The following SLC25A17 variants were observed in gnomAD, a reference collection of about 807,000 sequenced individuals.
The protein encoded by SLC25A17 is peroxisomal membrane protein PMP34.
In SLC25A17, 26 loss-of-function variants were observed where a neutral mutation model predicts 38.5. The observed-to-expected ratio is 0.68, with a 90% confidence interval of 0.50 to 0.94. The LOEUF (loss-of-function observed/expected upper bound fraction) is 0.94. SLC25A17 is among the 40% of genes least tolerant of loss of function. SLC25A17 has a pLI of 0.00. For synonymous variants in SLC25A17, 139 were observed against 136.2 expected (o/e 1.02, Z -0.14); for missense variants, 333 against 372.7 (o/e 0.89, Z 0.88).
At chr22:40,779,607 A>G in intron 4 of SLC25A17, 1 of 184,580 alleles carries the variant, frequency 5.4e-6, no homozygotes, top group Non-Finnish European at 1.1e-5. Flanking sequence ...CAGGAGGGGG[A>G]AAGGTGGTGA....
chr22:40,793,278 G>C (rs900860948), intron 3 of SLC25A17, among the ~76,000 whole-genome samples: 2 of 152,214 alleles, frequency 1.3e-5, no homozygotes, highest in Non-Finnish European at 2.9e-5. Flanking sequence ...GGTACCTGTA[G>C]AGGCAATGCT....
chr22:40,794,035 T>C (rs1051590263), intron 3 of SLC25A17, among the ~76,000 whole-genome samples: 3 of 152,130 alleles, frequency 2.0e-5, no homozygotes, highest in Admixed American at 6.6e-5. Context: ...TGAGCAAAAA[T>C]AGTAAAACAA....
At chr22:40,810,624 G>T (rs2057571706) in intron 1 of SLC25A17, among the ~76,000 whole-genome samples, 1 of 152,106 alleles carries the variant, frequency 6.6e-6, no homozygotes, top group Admixed American at 6.5e-5. Flanking sequence ...TAGGATTACA[G>T]GCGTAAGCCA....
intron 8 of SLC25A17, 32 bp downstream of exon 8, chr22:40,773,905 A>G: frequency 7.0e-7 from 1 of 1,424,988 alleles, no homozygotes; most frequent in Non-Finnish European, 9.9e-7. Context: ...GCTGAAGGAG[A>G]GCACGGAATG....
At position 40,800,117 on chromosome 22, in the gene SLC25A17, T is replaced by C. The variant is rs117140975; in HGVS notation, c.55-1034A>G. Among the ~76,000 whole-genome samples, 544 of 152,318 alleles carry C rather than the reference T, an allele frequency of 3.6e-3. 1 individual carries two copies. The highest frequency in any genetic ancestry group is 5.6e-3 in the Non-Finnish European group (383 of 68,036). ...TAGTTTGCTTGTGTTTTAAATTAAA[T>C]AGGAACAATCTCTTTGCCAACAATT... On this transcript the variant is annotated intron_variant, in intron 1 of 8. Coordinates refer to ENST00000435456, the MANE Select transcript of SLC25A17 (RefSeq NM_006358.4).
chr22:40,799,988 A>G (rs2057467009), intron 1 of SLC25A17, among the ~76,000 whole-genome samples: 1 of 152,132 alleles, frequency 6.6e-6, no homozygotes, highest in African/African-American at 2.4e-5. Context: ...AACCCCCAAA[A>G]CCAAAATACC....
In SLC25A17 at chr22:40,777,257, T is replaced by C. The variant is rs2145649031; in HGVS notation, c.568A>G (p.Lys190Glu). 6.2e-7 allele frequency: 1 copy of C among 1,614,172 alleles called. No homozygotes were observed. Among genetic ancestry groups the C allele is most frequent in the East Asian group, 2.2e-5 (1 of 44,890 alleles). Residue 190 changes from lysine (K) to glutamate (E), a missense_variant, in exon 6 of 9, where the codon AAA (lysine) becomes GAA (glutamate). By Grantham distance (56) the Lys-to-Glu change is moderately conservative. Transcript: ENST00000435456. ...ATCCGTTTCTTTAAAAGCTGCCGTT[T>C]TAAACCTTCATAAAACATGAACTGG... ...AIQFMFYEGL[K>E]RQLLKKRMKL...
chr22:40,775,853 G>A (rs1202797103), intron 7 of SLC25A17, among the ~76,000 whole-genome samples: 2 of 152,178 alleles, frequency 1.3e-5, no homozygotes, highest in Admixed American at 6.5e-5. Context: ...CTTCCACCAT[G>A]ATTGTAAGTT....
At chr22:40,798,977 G>A in intron 2 of SLC25A17, 46 bp downstream of exon 2, 1 of 1,148,624 alleles carries the variant, frequency 8.7e-7, no homozygotes, top group East Asian at 2.4e-5. Flanking sequence ...TAGCGAAAAT[G>A]TTTGCTTCCT....
intron 1 of SLC25A17, among the ~76,000 whole-genome samples, chr22:40,809,258 G>A (rs1270571214): frequency 1.3e-5 from 2 of 151,948 alleles, no homozygotes; most frequent in East Asian, 1.9e-4. Context: ...TTGGGAGGGC[G>A]AGGTAGGAAG....
rs191239780 is a variant in SLC25A17 at position 40,783,722 on chromosome 22, T to A, written c.335-4597A>T. Among the ~76,000 whole-genome samples, 205 of 152,242 alleles carry A rather than the reference T, an allele frequency of 1.3e-3. 1 individual carries two copies. Among genetic ancestry groups the A allele is most frequent in the African/African-American group, 4.6e-3 (190 of 41,548 alleles). The stretch of plus-strand genomic sequence containing the variant: ...AAATGGTACCTCTTTTTTTCTTTTT[T>A]GGAGATGGAGTCTCGCTCTATCTCC... On this transcript the variant is annotated intron_variant, in intron 4 of 8. Transcript: ENST00000435456.
Position 40,817,972 on chromosome 22 carries a change from T to C in SLC25A17, c.54+1223A>G, listed in dbSNP as rs556913262. Among the ~76,000 whole-genome samples, 34 of 152,360 alleles carry C rather than the reference T, an allele frequency of 2.2e-4. No individual in the cohort carries two copies. In the South Asian group the frequency reaches 6.8e-3, roughly 31 times the overall value. On this transcript the variant is annotated intron_variant, in intron 1 of 8. Coordinates refer to ENST00000435456, the MANE Select transcript of SLC25A17 (RefSeq NM_006358.4). The stretch of plus-strand genomic sequence containing the variant: ...ACCAGGCTTCCTGAATTAGGCATTT[T>C]CATGAAATGCTGTGTCACTTAATTC...
At chr22:40,801,621 A>G (rs1269791980) in intron 1 of SLC25A17, among the ~76,000 whole-genome samples, 1 of 152,194 alleles carries the variant, frequency 6.6e-6, no homozygotes, top group Non-Finnish European at 1.5e-5. Flanking sequence ...ATGTCTCACA[A>G]AACACTGAAC....
At chr22:40,818,870 G>A (rs1006205665) in intron 1 of SLC25A17, among the ~76,000 whole-genome samples, 1 of 152,180 alleles carries the variant, frequency 6.6e-6, no homozygotes, top group South Asian at 2.1e-4. Flanking sequence ...CTCCGGGCCA[G>A]TAAAGCAAAG....
chr22:40,786,656 C>G (rs1054149162), intron 4 of SLC25A17, among the ~76,000 whole-genome samples: 1 of 152,246 alleles, frequency 6.6e-6, no homozygotes, highest in Non-Finnish European at 1.5e-5. Flanking sequence ...CAACTACCCT[C>G]TTCTTTTTCC....
In SLC25A17 at chr22:40,769,821, T is replaced by C. The variant is rs1487146553; in HGVS notation, c.*1013A>G. The C allele has an allele frequency of 6.6e-6, 1 of 152,218 alleles. No individual in the cohort carries two copies. Among genetic ancestry groups the C allele is most frequent in the African/African-American group, 2.4e-5 (1 of 41,456 alleles). 9.4% of individuals were successfully genotyped at this position (152,218 alleles called of 1,614,324 possible). ...CAGGATTCAGAAACTCTGGGTTGCG[T>C]GCCCAGCAAGCTCTCAGCTTGTGGC... On this transcript the variant is annotated 3_prime_UTR_variant, in exon 9 of 9. Transcript: ENST00000435456.
At chr22:40,782,828 C>A (rs1434180809) in intron 4 of SLC25A17, among the ~76,000 whole-genome samples, 1 of 152,182 alleles carries the variant, frequency 6.6e-6, no homozygotes, top group Non-Finnish European at 1.5e-5. Flanking sequence ...ATTCCAATTT[C>A]ATAAAAATAA....
chr22:40,775,583 C>A (rs550782332), intron 7 of SLC25A17, among the ~76,000 whole-genome samples: 1 of 150,802 alleles, frequency 6.6e-6, no homozygotes, highest in African/African-American at 2.4e-5. Context: ...CCTGCCTCAG[C>A]CTCCCGAGTA....
chr22:40,789,037 T>A lies in SLC25A17; in HGVS notation c.334+3488A>T, dbSNP rs1441567781. ...CATGGACTTCTTCGTATTCTCATAG[T>A]ATGGGTTCCATCCTATGCTCACCAC... On this transcript the variant is annotated intron_variant, in intron 4 of 8. Transcript: ENST00000435456. The surrounding 1 kb of genome is among the most constrained non-coding windows in gnomAD (Gnocchi z 4.5). 1 of 302,764 alleles carries A rather than the reference T, an allele frequency of 3.3e-6. No homozygotes were observed. Among genetic ancestry groups the A allele is most frequent in the African/African-American group, 2.3e-5 (1 of 44,198 alleles). The allele number at this position is 302,764 out of a possible 1,614,324, so 18.8% of individuals were successfully genotyped here.
Sources: allele counts gnomAD v4.1 joint callset (sites outside exome capture counted in the v4.1 genomes callset), GRCh38; gene constraint gnomAD v4.1.1; non-coding constraint Gnocchi (gnomAD v3.1); transcripts MANE v1.5; gene names NCBI Gene and HGNC (gene_info 2026-07-23, HGNC 2026-07-21).